The following LRRTM4 variants were observed in gnomAD, a reference collection of about 807,000 sequenced individuals.
The protein encoded by LRRTM4 is leucine rich repeat transmembrane neuronal 4, also known as leucine-rich repeat transmembrane neuronal protein 4.
A neutral mutation model predicts 47.6 loss-of-function variants in LRRTM4; 25 were observed. That is an observed-to-expected ratio of 0.53 (90% CI 0.38 to 0.73). The LOEUF (loss-of-function observed/expected upper bound fraction) is 0.73, where lower values mean the gene tolerates loss of function less well. LRRTM4 is among the 30% of genes least tolerant of loss of function. LRRTM4 has a pLI of 0.00. For synonymous variants in LRRTM4, 311 were observed against 269.5 expected, an observed-to-expected ratio of 1.15 and a Z score of -1.51; for missense variants, 638 against 713.4, an observed-to-expected ratio of 0.89 and a Z score of 1.20.
intron 3 of LRRTM4, among the ~76,000 whole-genome samples, chr2:77,222,631 CAT>C: frequency 6.6e-6 from 1 of 152,246 alleles, no homozygotes; most frequent in East Asian, 1.9e-4. Flanking sequence ...TTCCTCAACA[CAT>C]ACACTCTTCC....
At chr2:77,022,841 G>A (rs191236139) in intron 3 of LRRTM4, among the ~76,000 whole-genome samples, 114 of 152,200 alleles carry the variant, frequency 7.5e-4, no homozygotes, top group African/African-American at 2.5e-3. Flanking sequence ...TTCAAGGCTC[G>A]CGTTGTAAGC....
At chr2:76,810,549 C>A (rs905307601) in intron 3 of LRRTM4, among the ~76,000 whole-genome samples, 1 of 152,102 alleles carries the variant, frequency 6.6e-6, no homozygotes, top group South Asian at 2.1e-4. Flanking sequence ...CAGCCTGCTG[C>A]ATAGTGAGGT....
At chr2:76,855,869 G>T (rs2103989413) in intron 3 of LRRTM4, among the ~76,000 whole-genome samples, 1 of 152,198 alleles carries the variant, frequency 6.6e-6, no homozygotes, top group South Asian at 2.1e-4. Context: ...AGAAGCAGTA[G>T]TACAACTCAC....
chr2:77,050,362 C>T (rs1043345749), intron 3 of LRRTM4, among the ~76,000 whole-genome samples: 4 of 152,206 alleles, frequency 2.6e-5, no homozygotes, highest in Admixed American at 2.0e-4. Flanking sequence ...ATGCCAGATG[C>T]TATTTATAAT....
intron 3 of LRRTM4, among the ~76,000 whole-genome samples, chr2:76,757,219 C>G (rs920638470): frequency 2.0e-5 from 3 of 152,022 alleles, no homozygotes; most frequent in Non-Finnish European, 4.4e-5. Flanking sequence ...TTTAAACTTT[C>G]ATTTTGACAA....
At chr2:76,926,883 G>A (rs916181722) in intron 3 of LRRTM4, among the ~76,000 whole-genome samples, 2 of 152,038 alleles carry the variant, frequency 1.3e-5, no homozygotes, top group Non-Finnish European at 2.9e-5. Context: ...TTACACTAAA[G>A]TTCCCTAAAA....
chr2:76,967,945 T>C (rs978449022), intron 3 of LRRTM4, among the ~76,000 whole-genome samples: 3 of 151,600 alleles, frequency 2.0e-5, no homozygotes, highest in African/African-American at 7.3e-5. Flanking sequence ...GCTAGCTCAG[T>C]TCCCAATGCA....
chr2:77,203,735 G>C (rs1217506594), intron 3 of LRRTM4, among the ~76,000 whole-genome samples: 1 of 152,174 alleles, frequency 6.6e-6, no homozygotes, highest in Non-Finnish European at 1.5e-5. Context: ...ATATTCTTCA[G>C]AGCAGATGAA....
At chr2:77,291,299 G>T (rs948197372) in intron 3 of LRRTM4, among the ~76,000 whole-genome samples, 1 of 152,036 alleles carries the variant, frequency 6.6e-6, no homozygotes, top group Middle Eastern at 3.4e-3. Context: ...AGAAGAAAAT[G>T]GAAGAAAGTT....
chr2:77,378,278 C>T (rs746181087), intron 3 of LRRTM4, among the ~76,000 whole-genome samples: 3 of 151,906 alleles, frequency 2.0e-5, no homozygotes, highest in South Asian at 2.1e-4. Context: ...TATTAACCTG[C>T]TTTTATCAAT....
chr2:76,812,800 T>TCCTCCTCTCCCTCCCCCC (rs1558670835), intron 3 of LRRTM4, among the ~76,000 whole-genome samples: 2 of 46,868 alleles, frequency 4.3e-5, no homozygotes, highest in Middle Eastern at 0.019. Context: ...CTCCCCCCCC[T>TCCTCCTCTCCCTCCCCCC]CCTCCTCCTT....
chr2:77,143,391 C>T (rs1015986438), intron 3 of LRRTM4, among the ~76,000 whole-genome samples: 1 of 151,982 alleles, frequency 6.6e-6, no homozygotes, highest in Non-Finnish European at 1.5e-5. Context: ...ATACCATTAG[C>T]GCATATAGAA....
chr2:77,334,920 T>C (rs948568399), intron 3 of LRRTM4, among the ~76,000 whole-genome samples: 2 of 152,164 alleles, frequency 1.3e-5, no homozygotes, highest in Non-Finnish European at 2.9e-5. Context: ...CAATAATATA[T>C]CTAAAATGCT....
intron 3 of LRRTM4, among the ~76,000 whole-genome samples, chr2:77,388,991 A>T (rs1292893088): frequency 3.3e-5 from 5 of 152,100 alleles, no homozygotes; most frequent in East Asian, 1.9e-4. Flanking sequence ...AGTTCTAAGG[A>T]TAGTATGGAT....
At chr2:76,873,889 G>A (rs1672707946) in intron 3 of LRRTM4, among the ~76,000 whole-genome samples, 1 of 151,710 alleles carries the variant, frequency 6.6e-6, no homozygotes, top group Admixed American at 6.6e-5. Flanking sequence ...TCTTTTGAAG[G>A]TCAGTCTCCT....
At chr2:77,446,068 C>T (rs944534757) in intron 3 of LRRTM4, among the ~76,000 whole-genome samples, 2 of 151,996 alleles carry the variant, frequency 1.3e-5, no homozygotes, top group Admixed American at 6.6e-5. Context: ...ATAACGTAAG[C>T]ACTTTCAAAA....
chr2:77,308,002 CAT>C (rs1297256120), intron 3 of LRRTM4, among the ~76,000 whole-genome samples: 10 of 133,900 alleles, frequency 7.5e-5, no homozygotes, highest in African/African-American at 2.8e-4. Context: ...ATATATACAA[CAT>C]ATATGTTACA....
intron 3 of LRRTM4, among the ~76,000 whole-genome samples, chr2:76,898,031 C>T (rs185129420): frequency 6.2e-4 from 95 of 152,196 alleles, no homozygotes; most frequent in Non-Finnish European, 9.7e-4. Flanking sequence ...AGATTTGCTC[C>T]TTTGTTCAGT....
intron 3 of LRRTM4, among the ~76,000 whole-genome samples, chr2:77,422,326 T>C (rs1390901675): frequency 2.0e-5 from 3 of 152,234 alleles, no homozygotes; most frequent in Middle Eastern, 3.2e-3. Flanking sequence ...CTGTTAACAC[T>C]ACATAAACAT....
Sources: allele counts gnomAD v4.1 joint callset (sites outside exome capture counted in the v4.1 genomes callset), GRCh38; gene constraint gnomAD v4.1.1; transcripts MANE v1.5; gene names NCBI Gene and HGNC (gene_info 2026-07-23, HGNC 2026-07-21).